Variants in LDLRAD3 observed in about 807,000 individuals in gnomAD.
LDLRAD3 encodes the protein low density lipoprotein receptor class A domain containing 3, also known as low-density lipoprotein receptor class A domain-containing protein 3.
A neutral mutation model predicts 29.4 loss-of-function variants in LDLRAD3; 20 were observed. The observed-to-expected ratio is 0.68, with a 90% CI of 0.48 to 0.99. LDLRAD3 has a LOEUF of 0.99. Among genes scored for constraint, LDLRAD3 ranks in the 50% least tolerant of loss-of-function variants. The pLI, the probability that LDLRAD3 is intolerant of heterozygous loss-of-function variation, is 0.00. For missense variants in LDLRAD3, 420 were observed against 454.3 expected (o/e 0.92, Z 0.69); for synonymous variants, 157 against 192.7 (o/e 0.81, Z 1.53).
intron 4 of LDLRAD3, among the ~76,000 whole-genome samples, chr11:36,204,068 C>T (rs538223672): frequency 2.0e-5 from 3 of 152,130 alleles, no homozygotes; most frequent in South Asian, 2.1e-4. Flanking sequence ...TTAGCTGACC[C>T]GGGGAGAACC....
intron 4 of LDLRAD3, among the ~76,000 whole-genome samples, chr11:36,222,401 C>A (rs560657397): frequency 6.6e-6 from 1 of 152,030 alleles, no homozygotes; most frequent in African/African-American, 2.4e-5. Context: ...AAAGAATATG[C>A]ACATTTTTAT....
chr11:36,164,967 A>T (rs1854493625), intron 4 of LDLRAD3, among the ~76,000 whole-genome samples: 2 of 152,256 alleles, frequency 1.3e-5, no homozygotes, highest in African/African-American at 4.8e-5. Context: ...TTCCCATTAT[A>T]AAAGTACATA....
At chr11:36,068,720 G>C (rs1397067088) in intron 2 of LDLRAD3, among the ~76,000 whole-genome samples, 1 of 152,112 alleles carries the variant, frequency 6.6e-6, no homozygotes, top group African/African-American at 2.4e-5. Flanking sequence ...GTTTCACCGT[G>C]TTAGCCAGGA....
intron 3 of LDLRAD3, among the ~76,000 whole-genome samples, chr11:36,084,917 T>A (rs1388081234): frequency 6.6e-6 from 1 of 152,246 alleles, no homozygotes; most frequent in African/African-American, 2.4e-5. Flanking sequence ...AATACATCTG[T>A]GTACGTTAGC....
At position 35,974,335 on chromosome 11, in the gene LDLRAD3, G is replaced by A. The variant is rs1002319435; in HGVS notation, c.46+30191G>A. ...TTTTTCAGGGGCTACCCAGTTGTTC[G>A]GATCATTTGTTGAACATTCATTCTT... On this transcript the variant is annotated intron_variant, in intron 1 of 5. Transcript: ENST00000315571. 2.6e-5 allele frequency among the ~76,000 whole-genome samples: 4 copies of A among 151,644 alleles called. No homozygotes were observed. In the East Asian group the frequency reaches 5.8e-4, roughly 22 times the overall value.
At chr11:36,130,639 T>C (rs530878753) in intron 4 of LDLRAD3, among the ~76,000 whole-genome samples, 240 of 152,194 alleles carry the variant, frequency 1.6e-3, no homozygotes, top group Non-Finnish European at 2.9e-3. Context: ...TCCTCAACCC[T>C]GGTCTGAGCG....
chr11:36,155,486 T>C (rs1199502402), intron 4 of LDLRAD3, among the ~76,000 whole-genome samples: 1 of 152,188 alleles, frequency 6.6e-6, no homozygotes, highest in African/African-American at 2.4e-5. Flanking sequence ...TTGCTCCCTG[T>C]TTTCTCCCCA....
At chr11:36,176,909 T>C (rs1217790851) in intron 4 of LDLRAD3, among the ~76,000 whole-genome samples, 1 of 152,218 alleles carries the variant, frequency 6.6e-6, no homozygotes, top group Non-Finnish European at 1.5e-5. Context: ...AAATACGTTT[T>C]CCAAAATTCT....
intron 3 of LDLRAD3, among the ~76,000 whole-genome samples, chr11:36,090,610 C>A (rs765732137): frequency 6.6e-6 from 1 of 152,148 alleles, no homozygotes; most frequent in Non-Finnish European, 1.5e-5. Context: ...AACAGACTAC[C>A]ATTAGCAATG....
intron 1 of LDLRAD3, among the ~76,000 whole-genome samples, chr11:36,034,445 C>G (rs1385535822): frequency 6.6e-6 from 1 of 152,122 alleles, no homozygotes; most frequent in Non-Finnish European, 1.5e-5. Flanking sequence ...AGGGAGATTT[C>G]TAGGATTCTG....
At chr11:35,953,840 T>A (rs1460976956) in intron 1 of LDLRAD3, among the ~76,000 whole-genome samples, 1 of 152,134 alleles carries the variant, frequency 6.6e-6, no homozygotes, top group Non-Finnish European at 1.5e-5. Context: ...AAATAAGGTG[T>A]TTCAAAAACA....
chr11:36,002,268 G>A (rs1445521569), intron 1 of LDLRAD3, among the ~76,000 whole-genome samples: 1 of 152,188 alleles, frequency 6.6e-6, no homozygotes, highest in Non-Finnish European at 1.5e-5. Flanking sequence ...CTGTTGATCA[G>A]AAAAATCCCC....
At chr11:36,007,685 T>G (rs777972565) in intron 1 of LDLRAD3, among the ~76,000 whole-genome samples, 5 of 152,228 alleles carry the variant, frequency 3.3e-5, no homozygotes, top group Non-Finnish European at 5.9e-5. Context: ...ATGAGCTGCA[T>G]CAGCCCTAAT....
intron 1 of LDLRAD3, among the ~76,000 whole-genome samples, chr11:35,976,045 G>T (rs1437484115): frequency 6.6e-6 from 1 of 152,006 alleles, no homozygotes; most frequent in South Asian, 2.1e-4. Context: ...GAGGAGTTGG[G>T]CTGGTGAGGG....
intron 4 of LDLRAD3, chr11:36,163,342 G>C (rs1489678023): frequency 1.3e-5 from 2 of 152,232 alleles, no homozygotes; most frequent in African/African-American, 4.8e-5. Flanking sequence ...TCTCCACTCT[G>C]ATTATTCAGC....
At chr11:36,189,560 C>T (rs1278802813) in intron 4 of LDLRAD3, among the ~76,000 whole-genome samples, 3 of 151,284 alleles carry the variant, frequency 2.0e-5, no homozygotes, top group Non-Finnish European at 2.9e-5. Context: ...CCTAGGCCTA[C>T]GTAACCACGA....
chr11:36,191,227 T>A (rs1854936693), intron 4 of LDLRAD3, among the ~76,000 whole-genome samples: 1 of 151,912 alleles, frequency 6.6e-6, no homozygotes, highest in Non-Finnish European at 1.5e-5. Flanking sequence ...TGGGGAGAGA[T>A]TTCTATAGGA....
At chr11:36,015,392 G>A (rs905101941) in intron 1 of LDLRAD3, among the ~76,000 whole-genome samples, 1 of 149,532 alleles carries the variant, frequency 6.7e-6, no homozygotes, top group Non-Finnish European at 1.5e-5. Context: ...TGATAGTGAG[G>A]TTGCTGGTTG....
At position 35,963,943 on chromosome 11, in the gene LDLRAD3, G is replaced by A. The variant is rs147837915; in HGVS notation, c.46+19799G>A. 1.5e-3 allele frequency among the ~76,000 whole-genome samples: 226 copies of A among 152,308 alleles called. 1 individual carries two copies. Among genetic ancestry groups the A allele is most frequent in the African/African-American group, 5.3e-3 (220 of 41,576 alleles). ...TAGTAATGTGGTGAGTGGCACAAGA[G>A]TGATATAGACCTAATGTTGCTGGAG... On this transcript the variant is annotated intron_variant, in intron 1 of 5. Transcript: ENST00000315571.
Sources: gnomAD v4.1 joint callset for allele counts (sites outside exome capture counted in the v4.1 genomes callset) on GRCh38, gnomAD v4.1.1 for gene constraint, MANE v1.5 for transcripts, NCBI Gene and HGNC (gene_info 2026-07-23, HGNC 2026-07-21) for gene names.